NALF1: variants seen among roughly 807,000 people sequenced by gnomAD.
NALF1 encodes family with sequence similarity 155 member A.
In NALF1, 3 loss-of-function variants were observed where a neutral mutation model predicts 48.4. The observed-to-expected ratio is 0.06, with a 90% CI of 0.03 to 0.16. The LOEUF (loss-of-function observed/expected upper bound fraction) is 0.16, where lower values mean the gene tolerates loss of function less well. NALF1 is among the 10% of genes least tolerant of loss of function. The pLI is 1.00. For missense variants in NALF1, 526 were observed against 571.5 expected, an observed-to-expected ratio of 0.92 and a Z score of 0.81; for synonymous variants, 262 against 245.7, an observed-to-expected ratio of 1.07 and a Z score of -0.62.
chr13:107,651,512 A>G (rs1207767168), intron 1 of NALF1, among the ~76,000 whole-genome samples: 1 of 152,236 alleles, frequency 6.6e-6, no homozygotes, highest in Non-Finnish European at 1.5e-5. Flanking sequence ...GAAAGTATTA[A>G]GATCATAATG....
At chr13:107,575,935 ATG>A (rs774090749) in intron 1 of NALF1, among the ~76,000 whole-genome samples, 1 of 149,692 alleles carries the variant, frequency 6.7e-6, no homozygotes, top group African/African-American at 2.4e-5. Flanking sequence ...ATATGTGTGC[ATG>A]TGTGTGTATG....
intron 1 of NALF1, among the ~76,000 whole-genome samples, chr13:107,468,396 A>G (rs1885043181): frequency 6.6e-6 from 1 of 152,196 alleles, no homozygotes; most frequent in Non-Finnish European, 1.5e-5. Context: ...GGAAAAATAG[A>G]CAGCAACACT....
intron 1 of NALF1, among the ~76,000 whole-genome samples, chr13:107,486,805 G>C (rs1885336820): frequency 6.6e-6 from 1 of 151,992 alleles, no homozygotes; most frequent in African/African-American, 2.4e-5. Flanking sequence ...CCCTGCTTTT[G>C]GATATTGAAG....
At chr13:107,388,551 T>C (rs1309578915) in intron 1 of NALF1, among the ~76,000 whole-genome samples, 1 of 152,126 alleles carries the variant, frequency 6.6e-6, no homozygotes, top group African/African-American at 2.4e-5. Context: ...AAGACCTCAG[T>C]GCCACACAAG....
chr13:107,602,721 C>G (rs865949898), intron 1 of NALF1, among the ~76,000 whole-genome samples: 1 of 152,116 alleles, frequency 6.6e-6, no homozygotes, highest in African/African-American at 2.4e-5. Context: ...ATTATTCCTT[C>G]GCGTCTAACC....
At chr13:107,207,704 A>G (rs1879672548) in intron 2 of NALF1, among the ~76,000 whole-genome samples, 1 of 152,178 alleles carries the variant, frequency 6.6e-6, no homozygotes, top group Admixed American at 6.5e-5. Flanking sequence ...GCTGGAGTGC[A>G]GTGGCAGGAT....
At chr13:107,520,634 C>T (rs1200532760) in intron 1 of NALF1, among the ~76,000 whole-genome samples, 1 of 152,178 alleles carries the variant, frequency 6.6e-6, no homozygotes, top group African/African-American at 2.4e-5. Flanking sequence ...TTTATTCACC[C>T]AATCATTAAT....
At chr13:107,332,080 G>A (rs532049106) in intron 1 of NALF1, among the ~76,000 whole-genome samples, 2 of 152,092 alleles carry the variant, frequency 1.3e-5, no homozygotes, top group South Asian at 4.1e-4. Context: ...TGGACATTAA[G>A]GTTTAGTTTC....
chr13:107,728,840 G>A (rs1056796085), intron 1 of NALF1, among the ~76,000 whole-genome samples: 2 of 152,154 alleles, frequency 1.3e-5, no homozygotes, highest in Non-Finnish European at 2.9e-5. Flanking sequence ...TAGCTGAGAT[G>A]TCAAGTTTGA....
chr13:107,824,905 T>C (rs1332673554), intron 1 of NALF1, among the ~76,000 whole-genome samples: 1 of 152,212 alleles, frequency 6.6e-6, no homozygotes, highest in Non-Finnish European at 1.5e-5. Context: ...CAATGTCAGA[T>C]GTGTGAAAGT....
intron 1 of NALF1, among the ~76,000 whole-genome samples, chr13:107,245,637 G>A (rs1423094022): frequency 1.3e-5 from 2 of 152,116 alleles, no homozygotes. Context: ...TTTGCCATAA[G>A]AGGCTGAAAA....
intron 1 of NALF1, among the ~76,000 whole-genome samples, chr13:107,571,916 T>G (rs578210694): frequency 6.6e-6 from 1 of 152,264 alleles, no homozygotes; most frequent in East Asian, 1.9e-4. Flanking sequence ...AATTGCCTTT[T>G]TAAAATCCAA....
rs1195685999 is a variant in NALF1 at position 107,866,339 on chromosome 13, C to T, written c.258G>A (p.Gln86=). 1 of 1,438,892 alleles carries T rather than the reference C, an allele frequency of 6.9e-7. No individual in the cohort carries two copies. The highest frequency in any genetic ancestry group is 9.4e-7 in the Non-Finnish European group (1 of 1,068,104). The allele number at this position is 1,438,892 out of a possible 1,614,324, so 89.1% of individuals were successfully genotyped here. ...QRQQQQQQQQ[Q]RQRQQQQQQR... is the part of the protein sequence containing the mutation. ...GCTGCTGCTGCTGCTGCCGCTGCCT[C>T]TGCTGCTGCTGCTGCTGCTGCTGCT... The change falls in exon 1 of 3, where the codon CAG becomes CAA. Residue 86 remains glutamine, a synonymous_variant. Transcript: ENST00000375915. The surrounding 1 kb of genome is among the most constrained non-coding windows in gnomAD (Gnocchi z 4.4).
chr13:107,634,634 T>C lies in NALF1; in HGVS notation c.915+231048A>G, dbSNP rs145511285. Among the ~76,000 whole-genome samples, 323 of 151,856 alleles carry C rather than the reference T, an allele frequency of 2.1e-3. 1 individual carries two copies. The highest frequency in any genetic ancestry group is 7.5e-3 in the African/African-American group (309 of 41,406). On this transcript the variant is annotated intron_variant, in intron 1 of 2. Coordinates refer to ENST00000375915, the MANE Select transcript of NALF1 (RefSeq NM_001080396.3). ...CAAAAGGAGGAACACAAATGGGAAA[T>C]GATATGAAAACAGATGGAAAGGTAG...
At position 107,516,684 on chromosome 13, in the gene NALF1, C is replaced by A. The variant is rs545288157; in HGVS notation, c.916-305929G>T. 3.5e-4 allele frequency among the ~76,000 whole-genome samples: 54 copies of A among 152,206 alleles called. No individual in the cohort carries two copies. In the South Asian group the frequency reaches 0.011, roughly 31 times the overall value. ...CTATAAACAGACAAATTGAATACAG[C>A]ATGCAGGGACTCTGAGTGCAATCAC... is the stretch of plus-strand genomic sequence containing the variant. On this transcript the variant is annotated intron_variant, in intron 1 of 2. Transcript: ENST00000375915.
chr13:107,460,866 C>G (rs1436262353), intron 1 of NALF1, among the ~76,000 whole-genome samples: 1 of 152,096 alleles, frequency 6.6e-6, no homozygotes, highest in East Asian at 1.9e-4. Flanking sequence ...ACATCTCTGA[C>G]TAATGGCAAT....
At chr13:107,394,215 ATT>A (rs1206897010) in intron 1 of NALF1, among the ~76,000 whole-genome samples, 5 of 152,160 alleles carry the variant, frequency 3.3e-5, no homozygotes, top group Admixed American at 2.0e-4. Flanking sequence ...TGTAATCTCT[ATT>A]TCACTAGAAG....
Position 107,852,923 on chromosome 13 carries a change from C to T in NALF1, c.915+12759G>A, listed in dbSNP as rs538147501. On this transcript the variant is annotated intron_variant, in intron 1 of 2. Transcript: ENST00000375915. The stretch of plus-strand genomic sequence containing the variant: ...ACAGGAACTCTCAAACATCATTTTG[C>T]GGTTTTCCTGGCTTATTTGCAGCAT... Among the ~76,000 whole-genome samples the T allele has an allele frequency of 5.3e-5, 8 of 152,226 alleles. No individual in the cohort carries two copies. The South Asian group carries it at 1.0e-3, about 20-fold the overall frequency.
chr13:107,380,513 G>C (rs191515875), intron 1 of NALF1, among the ~76,000 whole-genome samples: 70 of 152,202 alleles, frequency 4.6e-4, no homozygotes, highest in South Asian at 1.2e-3. Context: ...ACATCAGAGC[G>C]ATCTCCTTCC....
Sources: allele counts gnomAD v4.1 joint callset (sites outside exome capture counted in the v4.1 genomes callset), GRCh38; gene constraint gnomAD v4.1.1; non-coding constraint Gnocchi (gnomAD v3.1); transcripts MANE v1.5; gene names NCBI Gene and HGNC (gene_info 2026-07-23, HGNC 2026-07-21).